AKT3: variants seen among roughly 807,000 people sequenced by gnomAD.
The protein encoded by AKT3 is AKT serine/threonine kinase 3.
AKT3 carries 15 observed loss-of-function variants against 65.3 expected under a neutral mutation model. That is an observed-to-expected ratio of 0.23 (90% confidence interval 0.15 to 0.35). The LOEUF (loss-of-function observed/expected upper bound fraction) is 0.35, where lower values mean the gene tolerates loss of function less well. AKT3 is among the 10% of genes least tolerant of loss of function. The probability of loss-of-function intolerance (pLI) is 1.00; values close to 1 mark genes in which losing one functional copy is unlikely to be tolerated. For missense variants in AKT3, 243 were observed against 576.5 expected (o/e 0.42, Z 5.92); for synonymous variants, 206 against 183.8 (o/e 1.12, Z -0.98).
chr1:243,564,910 T>C (rs35570502), intron 9 of AKT3, among the ~76,000 whole-genome samples: 26,126 of 152,054 alleles, frequency 0.17, 2,385 homozygotes, highest in South Asian at 0.3. Flanking sequence ...ACCTGGACTC[T>C]GAAGTTAATA....
Position 243,502,261 on chromosome 1 carries a change from CCTTA to C in AKT3, c.*2984_*2987del. ...AGACCCTGCAGTTAGTAAGGAAGGC[CCTTA>C]CTTTTGTACTCTAGGAGAAGCAAGT... is the stretch of plus-strand genomic sequence containing the variant. On this transcript the variant is annotated 3_prime_UTR_variant, in exon 14 of 14. Transcript: ENST00000673466. 4.3e-6 allele frequency: 1 copy of C among 232,740 alleles called. No individual in the cohort carries two copies. Among genetic ancestry groups the C allele is most frequent in the Non-Finnish European group, 8.5e-6 (1 of 117,786 alleles). 14.4% of individuals were successfully genotyped at this position (232,740 alleles called of 1,614,324 possible).
At chr1:243,631,722 A>G (rs548226375) in intron 6 of AKT3, among the ~76,000 whole-genome samples, 16 of 152,314 alleles carry the variant, frequency 1.1e-4, no homozygotes, top group Non-Finnish European at 1.6e-4. Flanking sequence ...CAATCCTTTC[A>G]CAACCTGCCA....
chr1:243,780,150 A>T (rs554528817), intron 2 of AKT3, among the ~76,000 whole-genome samples: 95 of 152,218 alleles, frequency 6.2e-4, no homozygotes, highest in Non-Finnish European at 7.1e-4. Flanking sequence ...ATACGACAAG[A>T]TTCCTATTAA....
intron 12 of AKT3, among the ~76,000 whole-genome samples, chr1:243,544,830 C>A (rs1672554927): frequency 1.3e-5 from 2 of 151,444 alleles, no homozygotes; most frequent in South Asian, 4.2e-4. Flanking sequence ...GCCTTAGCAG[C>A]CTTCTTAGGA....
chr1:243,834,118 TAAAAC>T (rs1197905997), intron 2 of AKT3, among the ~76,000 whole-genome samples: 3 of 151,980 alleles, frequency 2.0e-5, no homozygotes, highest in African/African-American at 4.8e-5. Context: ...TCAAAGAACT[TAAAAC>T]AGAACTACCA....
intron 3 of AKT3, among the ~76,000 whole-genome samples, chr1:243,668,745 C>T (rs779987783): frequency 6.6e-6 from 1 of 151,986 alleles, no homozygotes; most frequent in African/African-American, 2.4e-5. Context: ...GTACTTTAAC[C>T]AAGTAAGTTT....
intron 1 of AKT3, among the ~76,000 whole-genome samples, chr1:243,848,953 G>A (rs1695630638): frequency 1.3e-5 from 2 of 152,198 alleles, no homozygotes; most frequent in Non-Finnish European, 2.9e-5. Context: ...GCTTTGACTT[G>A]TGGGTAAGCA....
rs901266549 is a variant in AKT3 at position 243,616,370 on chromosome 1, T to TG, written c.562-1210dup. Among the ~76,000 whole-genome samples the TG allele has an allele frequency of 2.1e-4, 26 of 123,898 alleles. 1 individual carries two copies. Among genetic ancestry groups the TG allele is most frequent in the Admixed American group, 2.0e-3 (24 of 11,900 alleles). 81.3% of individuals were successfully genotyped at this position (123,898 alleles called of 152,430 possible). The stretch of plus-strand genomic sequence containing the variant: ...CCTACTGTAGGTGATCATTTTAAAA[T>TG]GTAAGTATATTTCAAACCAAAAATA... On this transcript the variant is annotated intron_variant, in intron 6 of 13. Coordinates refer to ENST00000673466, the MANE Select transcript of AKT3 (RefSeq NM_005465.7).
chr1:243,517,294 G>A (rs993137156), intron 12 of AKT3, among the ~76,000 whole-genome samples: 7 of 152,134 alleles, frequency 4.6e-5, no homozygotes, highest in African/African-American at 1.4e-4. Context: ...ATGCTGTTGG[G>A]TAGCGTGTTC....
intron 9 of AKT3, among the ~76,000 whole-genome samples, chr1:243,567,786 T>G (rs1271908441): frequency 6.6e-6 from 1 of 152,150 alleles, no homozygotes; most frequent in African/African-American, 2.4e-5. Context: ...AATCTAATCT[T>G]GTATAAAGAT....
chr1:243,589,898 T>C (rs1676107660), intron 8 of AKT3, among the ~76,000 whole-genome samples: 1 of 152,210 alleles, frequency 6.6e-6, no homozygotes, highest in Non-Finnish European at 1.5e-5. Context: ...ATTTATACAA[T>C]GGAATATTAT....
intron 2 of AKT3, among the ~76,000 whole-genome samples, chr1:243,805,090 G>A (rs150571684): frequency 1.3e-5 from 2 of 152,122 alleles, no homozygotes; most frequent in African/African-American, 4.8e-5. Flanking sequence ...CACACTCCCG[G>A]GATACATAAA....
At chr1:243,780,934 G>C (rs1209421655) in intron 2 of AKT3, among the ~76,000 whole-genome samples, 1 of 151,642 alleles carries the variant, frequency 6.6e-6, no homozygotes, top group East Asian at 1.9e-4. Context: ...CTTATGCCTA[G>C]GGAAAAAAAC....
intron 10 of AKT3, among the ~76,000 whole-genome samples, chr1:243,555,121 T>C (rs1173467574): frequency 1.3e-5 from 2 of 152,198 alleles, no homozygotes; most frequent in Non-Finnish European, 2.9e-5. Flanking sequence ...TACAGATACA[T>C]AATGCTATAA....
At chr1:243,602,444 T>C (rs1304948760) in intron 8 of AKT3, among the ~76,000 whole-genome samples, 5 of 152,130 alleles carry the variant, frequency 3.3e-5, no homozygotes, top group Non-Finnish European at 5.9e-5. Flanking sequence ...CCTGAAAACT[T>C]TGTAAAATTT....
intron 2 of AKT3, among the ~76,000 whole-genome samples, chr1:243,772,575 T>C (rs1253814559): frequency 1.3e-5 from 2 of 152,184 alleles, no homozygotes; most frequent in Non-Finnish European, 2.9e-5. Context: ...AGGAACACTT[T>C]TACACTGTTG....
chr1:243,497,279 C>T (rs890321601), downstream of AKT3, among the ~76,000 whole-genome samples: 2 of 149,066 alleles, frequency 1.3e-5, no homozygotes, highest in African/African-American at 5.0e-5. Context: ...ACAAATTATC[C>T]AGCCCTCCAG....
At chr1:243,849,984 G>T in intron 1 of AKT3, 56 bp downstream of exon 1, 1 of 972,716 alleles carries the variant, frequency 1.0e-6, no homozygotes, top group South Asian at 4.6e-5. Context: ...CCCGGGGCCC[G>T]GAGGGAGTGG....
chr1:243,721,781 A>T (rs1362502459), intron 2 of AKT3, among the ~76,000 whole-genome samples: 1 of 152,178 alleles, frequency 6.6e-6, no homozygotes, highest in Non-Finnish European at 1.5e-5. Flanking sequence ...GAATTAAAAG[A>T]ATGCCACTGC....
Sources: allele counts gnomAD v4.1 joint callset (sites outside exome capture counted in the v4.1 genomes callset), GRCh38; gene constraint gnomAD v4.1.1; transcripts MANE v1.5; gene names NCBI Gene and HGNC (gene_info 2026-07-23, HGNC 2026-07-21).